Variants in ZNF540 observed in about 807,000 individuals in gnomAD.
The protein encoded by ZNF540 is CTD-3064H18.6.
ZNF540 carries 3 observed loss-of-function variants against 11.8 expected under a neutral mutation model. That is an observed-to-expected ratio of 0.25 (90% CI 0.12 to 0.65). The LOEUF (loss-of-function observed/expected upper bound fraction) is 0.65. ZNF540 is among the 30% of genes least tolerant of loss of function. The probability of loss-of-function intolerance (pLI) is 0.83; values close to 1 mark genes in which losing one functional copy is unlikely to be tolerated. For missense variants in ZNF540, 709 were observed against 793.1 expected, an observed-to-expected ratio of 0.89 and a Z score of 1.27; for synonymous variants, 247 against 259.0, an observed-to-expected ratio of 0.95 and a Z score of 0.45.
intron 1 of ZNF540, among the ~76,000 whole-genome samples, chr19:37,553,009 GTTTTTTT>G (rs34788856): frequency 7.2e-6 from 1 of 139,184 alleles, no homozygotes; most frequent in Non-Finnish European, 1.5e-5. Context: ...TTTGCATGGT[GTTTTTTT>G]TTTTTTTTTA....
chr19:37,570,403 T>C (rs2147162518), intron 1 of ZNF540, among the ~76,000 whole-genome samples: 1 of 152,274 alleles, frequency 6.6e-6, no homozygotes, highest in South Asian at 2.1e-4. Context: ...TGTCTTTCCC[T>C]CCACCTCGCT....
At chr19:37,565,307 C>T (rs887582479) in intron 1 of ZNF540, 19 of 1,609,172 alleles carry the variant, frequency 1.2e-5, no homozygotes, top group Middle Eastern at 1.7e-4. Flanking sequence ...TTGTGAGCCA[C>T]GAAAAAAGGT....
intron 1 of ZNF540, among the ~76,000 whole-genome samples, chr19:37,561,074 A>AAAAAAAAAAAAAAG (rs57590004): frequency 7.4e-6 from 1 of 135,776 alleles, no homozygotes; most frequent in African/African-American, 2.9e-5. Context: ...AAAAAAAAAA[A>AAAAAAAAAAAAAAG]GAAAGAAAAA....
intron 1 of ZNF540, among the ~76,000 whole-genome samples, chr19:37,582,837 T>C (rs2043520575): frequency 6.6e-6 from 1 of 152,226 alleles, no homozygotes; most frequent in Admixed American, 6.5e-5. Flanking sequence ...ACTTCTGAAC[T>C]AGTCCTCTCA....
At chr19:37,611,322 C>T (rs1166360563) in intron 4 of ZNF540, 191 bp from the exon 5 acceptor site, 12 of 442,468 alleles carry the variant, frequency 2.7e-5, no homozygotes, top group Non-Finnish European at 4.3e-5. Flanking sequence ...CCACCGCGCC[C>T]GGCTATAATC....
At chr19:37,564,673 G>T in intron 1 of ZNF540, 1 of 1,613,028 alleles carries the variant, frequency 6.2e-7, no homozygotes, top group Non-Finnish European at 8.5e-7. Context: ...CACATGTATA[G>T]GGTTTCTCAC....
intron 1 of ZNF540, among the ~76,000 whole-genome samples, chr19:37,571,214 G>C (rs115024056): frequency 6.6e-6 from 1 of 152,042 alleles, no homozygotes; most frequent in Non-Finnish European, 1.5e-5. Flanking sequence ...TTCAAACTAC[G>C]ATTCCAGGCA....
intron 4 of ZNF540, among the ~76,000 whole-genome samples, chr19:37,609,157 A>G (rs1220886308): frequency 6.6e-6 from 1 of 152,190 alleles, no homozygotes; most frequent in Non-Finnish European, 1.5e-5. Context: ...CAATATCTAT[A>G]CAAATCATTT....
intron 1 of ZNF540, among the ~76,000 whole-genome samples, chr19:37,596,371 T>C (rs1402346020): frequency 6.6e-6 from 1 of 152,192 alleles, no homozygotes; most frequent in Non-Finnish European, 1.5e-5. Flanking sequence ...GGTGCAGTTA[T>C]AGCTCACTGC....
chr19:37,565,112 C>A (rs1600454031), intron 1 of ZNF540: 10 of 1,613,150 alleles, frequency 6.2e-6, no homozygotes, highest in Non-Finnish European at 7.6e-6. Context: ...TGTATGAATT[C>A]TCTGATGTTC....
chr19:37,554,209 A>G (rs891448302), intron 1 of ZNF540, among the ~76,000 whole-genome samples: 4 of 139,176 alleles, frequency 2.9e-5, no homozygotes, highest in African/African-American at 7.4e-5. Context: ...TGTGTACTCA[A>G]TGTTTAGCTT....
At chr19:37,588,744 C>T (rs936240845) in intron 1 of ZNF540, among the ~76,000 whole-genome samples, 11 of 152,088 alleles carry the variant, frequency 7.2e-5, no homozygotes, top group Non-Finnish European at 1.6e-4. Flanking sequence ...TTGGATACTG[C>T]ATATGAATAG....
chr19:37,565,290 A>G, intron 1 of ZNF540: 1 of 1,609,744 alleles, frequency 6.2e-7, no homozygotes, highest in Non-Finnish European at 8.5e-7. Flanking sequence ...CTCAGGTGGT[A>G]AGTAAGTTGT....
chr19:37,589,995 C>T (rs1336593244), upstream of ZNF540, among the ~76,000 whole-genome samples: 1 of 150,028 alleles, frequency 6.7e-6, no homozygotes, highest in African/African-American at 2.5e-5. Flanking sequence ...CACAAAGGAT[C>T]AAAGAAAAGT....
intron 4 of ZNF540, among the ~76,000 whole-genome samples, chr19:37,605,943 A>C (rs1337897426): frequency 6.6e-6 from 1 of 152,230 alleles, no homozygotes; most frequent in East Asian, 1.9e-4. Flanking sequence ...AATTTACATA[A>C]CATAAAATTT....
intron 1 of ZNF540, chr19:37,586,790 C>T: frequency 2.6e-6 from 3 of 1,151,222 alleles, no homozygotes; most frequent in African/African-American, 1.6e-5. Flanking sequence ...GGCTCACAGC[C>T]CACAAAATAA....
chr19:37,561,802 A>G (rs967047613), intron 1 of ZNF540, among the ~76,000 whole-genome samples: 9 of 152,216 alleles, frequency 5.9e-5, no homozygotes, highest in African/African-American at 2.2e-4. Context: ...TTTCCTTTAA[A>G]TTTATAATTT....
rs144760247 is a variant in ZNF540 at position 37,563,730 on chromosome 19, G to A, written c.-73+12065G>A. 1.9e-3 allele frequency: 274 copies of A among 143,944 alleles called. 1 individual carries two copies. Among genetic ancestry groups the A allele is most frequent in the African/African-American group, 6.9e-3 (235 of 34,184 alleles). 8.9% of individuals were successfully genotyped at this position (143,944 alleles called of 1,614,324 possible). A position where few individuals can be genotyped will look rare whatever the true frequency, so the allele number is the denominator to read the frequency against. On this transcript the variant is annotated intron_variant, in intron 1 of 4. Transcript: ENST00000592533. ...ATATATACATGTGGAATACATACAC[G>A]TGGAATATATACACATGTGGAATAT... is the stretch of plus-strand genomic sequence containing the variant.
intron 1 of ZNF540, among the ~76,000 whole-genome samples, chr19:37,584,781 T>A (rs988571451): frequency 6.6e-6 from 1 of 151,820 alleles, no homozygotes. Context: ...GCTAACACGG[T>A]GAAACCCCGT....
Sources: gnomAD v4.1 joint callset for allele counts (sites outside exome capture counted in the v4.1 genomes callset) on GRCh38, gnomAD v4.1.1 for gene constraint, MANE v1.5 for transcripts, NCBI Gene and HGNC (gene_info 2026-07-23, HGNC 2026-07-21) for gene names.